TMLHE: variants seen among roughly 807,000 people sequenced by gnomAD.
TMLHE encodes the protein trimethyllysine hydroxylase, epsilon, also known as trimethyllysine dioxygenase, mitochondrial.
Under a neutral mutation model 25.7 loss-of-function variants are expected in TMLHE, and 18 were observed. That is an observed-to-expected ratio of 0.70 (90% confidence interval 0.48 to 1.04). TMLHE has a LOEUF of 1.04. TMLHE is among the 50% of genes least tolerant of loss of function. The pLI is 0.00. For synonymous variants in TMLHE, 105 were observed against 97.0 expected (o/e 1.08, Z -0.49); for missense variants, 236 against 259.0 (o/e 0.91, Z 0.61).
intron 1 of TMLHE, among the ~76,000 whole-genome samples, chrX:155,556,194 A>G (rs1569562138): frequency 3.0e-5 from 1 of 33,239 alleles, no homozygotes; most frequent in Non-Finnish European, 9.3e-5. Context: ...GCAATGAAAC[A>G]GGGACTTCAG....
At position 155,581,155 on chromosome X, in the gene TMLHE, G is replaced by T. The variant is rs782308637; in HGVS notation, c.-2+31637C>A. Among the ~76,000 whole-genome samples, 4 of 111,542 alleles carry T rather than the reference G, an allele frequency of 3.6e-5. No homozygotes were observed. In the East Asian group the frequency reaches 1.1e-3, roughly 32 times the overall value. ...ATGCTAAAAACTCTCAATAAACTAG[G>T]TAGTGATGGAACGTATCTCAAAATA... On this transcript the variant is annotated intron_variant, in intron 1 of 7. Coordinates refer to ENST00000334398, the MANE Select transcript of TMLHE (RefSeq NM_018196.4).
intron 1 of TMLHE, among the ~76,000 whole-genome samples, chrX:155,568,035 TTGCCTCACTCAG>T (rs782369004): frequency 1.2e-4 from 7 of 60,323 alleles, no homozygotes; most frequent in African/African-American, 2.6e-4. Flanking sequence ...GGGCGAGGCA[TTGCCTCACTCAG>T]GAAGCGCAAG....
At chrX:155,548,538 A>G (rs945074894) in intron 1 of TMLHE, among the ~76,000 whole-genome samples, 1 of 109,608 alleles carries the variant, frequency 9.1e-6, no homozygotes, top group Admixed American at 9.6e-5. Context: ...GTATGAGGCC[A>G]GCCTGACTAA....
At chrX:155,607,043 A>G (rs1014707723) in intron 1 of TMLHE, among the ~76,000 whole-genome samples, 1 of 111,775 alleles carries the variant, frequency 8.9e-6, no homozygotes, top group East Asian at 2.8e-4. Context: ...CCAGACATAT[A>G]AAGAAGAGCT....
rs782025458 is a variant in TMLHE, at chrX:155,548,510, C to T, written c.-1-3233G>A. On this transcript the variant is annotated intron_variant, in intron 1 of 7. Coordinates refer to ENST00000334398, the MANE Select transcript of TMLHE (RefSeq NM_018196.4). ...CAGCACTTTGGGAGGTCAAGGCGGG[C>T]GGATCACAAGGTCAGCAGTATGAGG... Among the ~76,000 whole-genome samples, 309 of 109,583 alleles carry T rather than the reference C, an allele frequency of 2.8e-3. 2 individuals are homozygous for T. Among genetic ancestry groups the T allele is most frequent in the African/African-American group, 8.1e-3 (240 of 29,490 alleles).
chrX:155,556,315 C>A (rs375692338), intron 1 of TMLHE, among the ~76,000 whole-genome samples: 2 of 111,705 alleles, frequency 1.8e-5, no homozygotes, highest in East Asian at 5.7e-4. Flanking sequence ...CATGCCACAC[C>A]TGGACTTCTG....
chrX:155,516,025 T>TTTC (rs1557334949), intron 3 of TMLHE, among the ~76,000 whole-genome samples: 2 of 90,736 alleles, frequency 2.2e-5, no homozygotes, highest in Non-Finnish European at 4.4e-5. Context: ...TTTTTTTTTT[T>TTTC]TTTTATTATA....
rs782253094 is a variant in TMLHE at position 155,507,127 on chromosome X, C to T, written c.766G>A (p.Val256Met). 3.3e-6 allele frequency: 4 copies of T among 1,194,245 alleles called. No individual in the cohort carries two copies. The change falls in exon 6 of 8, where the codon GTG becomes ATG. Residue 256 changes from valine (V) to methionine (M), a missense_variant. By Grantham distance (21) the Val-to-Met change is conservative. Coordinates refer to ENST00000334398, the MANE Select transcript of TMLHE (RefSeq NM_018196.4). ...CCTTCATGTTTAAGACAATGAAACA[C>T]TTGAATGCTAAAGAGAGAAAAGAAA... is the stretch of plus-strand genomic sequence containing the variant. ...TYFQEPCGIQ[V>M]FHCLKHEGTG...
chrX:155,542,848 G>C (rs781849362), intron 2 of TMLHE, among the ~76,000 whole-genome samples: 2 of 110,700 alleles, frequency 1.8e-5, no homozygotes, highest in African/African-American at 3.3e-5. Flanking sequence ...CCACTAGGCT[G>C]CCTTCAAGAA....
chrX:155,589,744 C>T (rs1487252922), intron 1 of TMLHE, among the ~76,000 whole-genome samples: 2 of 111,243 alleles, frequency 1.8e-5, no homozygotes, highest in Admixed American at 1.9e-4. Context: ...CAGTTAGCAA[C>T]AATGTATTAT....
intron 1 of TMLHE, among the ~76,000 whole-genome samples, chrX:155,558,441 T>TCTA (rs2067473212): frequency 1.6e-4 from 18 of 112,068 alleles, no homozygotes; most frequent in Non-Finnish European, 2.6e-4. Flanking sequence ...TTCCCCCTAA[T>TCTA]AATGCTGGAT....
intron 5 of TMLHE, among the ~76,000 whole-genome samples, chrX:155,510,853 T>G (rs782451305): frequency 6.6e-4 from 70 of 105,778 alleles, no homozygotes; most frequent in African/African-American, 2.3e-3. Context: ...TGAACTAGTT[T>G]ACAGTCCCAC....
intron 1 of TMLHE, among the ~76,000 whole-genome samples, chrX:155,595,384 C>T (rs1387146292): frequency 1.8e-5 from 2 of 112,009 alleles, no homozygotes; most frequent in Non-Finnish European, 3.8e-5. Context: ...TCATGATTCT[C>T]ACATATTTTT....
chrX:155,548,352 C>A (rs1171221777), intron 1 of TMLHE, among the ~76,000 whole-genome samples: 9 of 112,005 alleles, frequency 8.0e-5, no homozygotes, highest in Non-Finnish European at 1.5e-4. Flanking sequence ...ACCCATCTGA[C>A]AAGGGATTAA....
At chrX:155,546,250 A>T (rs782619789) in intron 1 of TMLHE, among the ~76,000 whole-genome samples, 1 of 111,797 alleles carries the variant, frequency 8.9e-6, no homozygotes, top group African/African-American at 3.2e-5. Flanking sequence ...TTAGGCATAA[A>T]CTTTATGTTG....
In TMLHE at chrX:155,572,090, T is replaced by C. The variant is rs1407492157; in HGVS notation, c.-1-26813A>G. On this transcript the variant is annotated intron_variant, in intron 1 of 7. Coordinates refer to ENST00000334398, the MANE Select transcript of TMLHE (RefSeq NM_018196.4). ...TGATCATATATCTAGAAAACCCCAT[T>C]GTCTCAGCCCAAAATCTCCTTAAGC... Among the ~76,000 whole-genome samples the C allele has an allele frequency of 9.2e-5, 5 of 54,167 alleles. 1 individual carries two copies. Among genetic ancestry groups the C allele is most frequent in the African/African-American group, 2.3e-4 (5 of 22,170 alleles). The allele number at this position is 54,167 out of a possible 115,157, so 47.0% of individuals were successfully genotyped here.
At chrX:155,582,050 C>T (rs1250663159) in intron 1 of TMLHE, among the ~76,000 whole-genome samples, 4 of 111,931 alleles carry the variant, frequency 3.6e-5, no homozygotes, top group Non-Finnish European at 5.6e-5. Context: ...CTTTGACAAA[C>T]GTGACAAATA....
chrX:155,568,991 C>T lies in TMLHE; in HGVS notation c.-1-23714G>A, dbSNP rs1557342620. 4.8e-5 allele frequency among the ~76,000 whole-genome samples: 3 copies of T among 61,858 alleles called. 1 individual carries two copies. The highest frequency in any genetic ancestry group is 1.1e-4 in the African/African-American group (3 of 27,539). The allele number at this position is 61,858 out of a possible 115,157, so 53.7% of individuals were successfully genotyped here. ...CGGAACAAAGCTGGATAGAGAATGACTTTGACGAGTTGAGAGAAGAAGGCT... is the reference window on the plus strand; with the variant it reads ...CGGAACAAAGCTGGATAGAGAATGATTTTGACGAGTTGAGAGAAGAAGGCT... On this transcript the variant is annotated intron_variant, in intron 1 of 7. Transcript: ENST00000334398.
rs150994163 is a variant in TMLHE, at chrX:155,578,843, G to A, written c.-1-33566C>T. Among the ~76,000 whole-genome samples the A allele has an allele frequency of 4.2e-4, 47 of 111,330 alleles. 1 individual carries two copies. In the East Asian group the frequency reaches 0.011, roughly 27 times the overall value. Reference sequence around the variant, plus strand: ...CAAAACTGGCACACTTCACATCACAGCCCCAGAAAAACTTTGCCCTAGAAA... The same window carrying A: ...CAAAACTGGCACACTTCACATCACAACCCCAGAAAAACTTTGCCCTAGAAA... On this transcript the variant is annotated intron_variant, in intron 1 of 7. Coordinates refer to ENST00000334398, the MANE Select transcript of TMLHE (RefSeq NM_018196.4).
Sources: allele counts gnomAD v4.1 joint callset (sites outside exome capture counted in the v4.1 genomes callset), GRCh38; gene constraint gnomAD v4.1.1; transcripts MANE v1.5; gene names NCBI Gene and HGNC (gene_info 2026-07-23, HGNC 2026-07-21).